The following EBF4 variants were observed in gnomAD, a reference collection of about 807,000 sequenced individuals.
The protein encoded by EBF4 is EBF transcription factor 4, also known as transcription factor COE4.
In EBF4, 34 loss-of-function variants were observed where a neutral mutation model predicts 67.1. That is an observed-to-expected ratio of 0.51 (90% CI 0.39 to 0.67). EBF4 has a LOEUF of 0.67. Ranked by LOEUF, EBF4 falls within the 30% of genes least tolerant of loss-of-function variation. The probability of loss-of-function intolerance (pLI) is 0.00; values close to 1 mark genes in which losing one functional copy is unlikely to be tolerated. For synonymous variants in EBF4, 387 were observed against 377.7 expected, an observed-to-expected ratio of 1.02 and a Z score of -0.29; for missense variants, 837 against 873.3, an observed-to-expected ratio of 0.96 and a Z score of 0.52.
intron 1 of EBF4, among the ~76,000 whole-genome samples, chr20:2,702,649 A>G (rs2087393135): frequency 6.6e-6 from 1 of 152,244 alleles, no homozygotes; most frequent in Non-Finnish European, 1.5e-5. Flanking sequence ...CCCAGGTGTT[A>G]TGGCTTAGCC....
Position 2,739,927 on chromosome 20 carries a change from C to T in EBF4, c.558-8622C>T, listed in dbSNP as rs1272829407. Among the ~76,000 whole-genome samples the T allele has an allele frequency of 6.6e-6, 1 of 152,228 alleles. No homozygotes were observed. The highest frequency in any genetic ancestry group is 1.5e-5 in the Non-Finnish European group (1 of 68,038). ...CACTGTTGTTTGGAACATCCTGCCC[C>T]AGCTCGTATATCCATTCACTGCATA... On this transcript the variant is annotated intron_variant, in intron 6 of 16. Coordinates refer to ENST00000609451, the Ensembl canonical transcript of EBF4. The surrounding 1 kb of genome is among the most constrained non-coding windows in gnomAD (Gnocchi z 4.5).
intron 10 of EBF4, among the ~76,000 whole-genome samples, chr20:2,750,196 T>G (rs894770503): frequency 6.6e-6 from 1 of 152,076 alleles, no homozygotes; most frequent in Non-Finnish European, 1.5e-5. Flanking sequence ...CTCTGGCTCC[T>G]TAGTCCCTTC....
At chr20:2,727,442 T>C (rs2087760373) in intron 6 of EBF4, among the ~76,000 whole-genome samples, 1 of 152,178 alleles carries the variant, frequency 6.6e-6, no homozygotes, top group African/African-American at 2.4e-5. Context: ...CCTGCAGAAA[T>C]GCATATATGA....
chr20:2,710,790 C>CATATCTCAA (rs1248071482), intron 6 of EBF4, among the ~76,000 whole-genome samples: 2 of 152,150 alleles, frequency 1.3e-5, no homozygotes, highest in Non-Finnish European at 2.9e-5. Context: ...ATAGTCTGTG[C>CATATCTCAA]ATATACAACA....
chr20:2,698,734 C>G (rs374208862), intron 1 of EBF4, among the ~76,000 whole-genome samples: 10 of 152,162 alleles, frequency 6.6e-5, no homozygotes, highest in Non-Finnish European at 1.2e-4. Flanking sequence ...AGCCTCCCCC[C>G]ATTACTGATG....
At chr20:2,720,084 T>TCCATGTACA in intron 6 of EBF4, among the ~76,000 whole-genome samples, 1 of 152,256 alleles carries the variant, frequency 6.6e-6, no homozygotes, top group Admixed American at 6.5e-5. Context: ...CATGGATGTC[T>TCCATGTACA]AGAATTATTA....
intron 1 of EBF4, among the ~76,000 whole-genome samples, chr20:2,700,301 C>A (rs1422973795): frequency 6.6e-6 from 1 of 152,104 alleles, no homozygotes; most frequent in Admixed American, 6.5e-5. Flanking sequence ...GTATTTGCAT[C>A]CTTGTCCCCA....
At chr20:2,697,518 C>T (rs1436389848) in intron 1 of EBF4, among the ~76,000 whole-genome samples, 1 of 149,704 alleles carries the variant, frequency 6.7e-6, no homozygotes, top group Non-Finnish European at 1.5e-5. Flanking sequence ...GCACTCCAGC[C>T]TGGGTGACAG....
At chr20:2,732,593 C>T (rs1365826790) in intron 6 of EBF4, among the ~76,000 whole-genome samples, 1 of 152,152 alleles carries the variant, frequency 6.6e-6, no homozygotes, top group Non-Finnish European at 1.5e-5. Flanking sequence ...ATCTCTTTTT[C>T]CATCCCTTTA....
chr20:2,723,343 T>TTTTA (rs1366153386), intron 6 of EBF4, among the ~76,000 whole-genome samples: 75 of 151,046 alleles, frequency 5.0e-4, no homozygotes, highest in African/African-American at 1.7e-3. Flanking sequence ...CTTTTATTTA[T>TTTTA]TTTTATTTTT....
exon 6 of EBF4, chr20:2,709,623 G>T: frequency 6.4e-7 from 1 of 1,555,200 alleles, no homozygotes; most frequent in South Asian, 1.2e-5. Context: ...GACGCCCTCA[G>T]ACCCCGTCAT....
At chr20:2,757,207 G>A (rs964518810) in intron 15 of EBF4, among the ~76,000 whole-genome samples, 4 of 152,186 alleles carry the variant, frequency 2.6e-5, no homozygotes, top group East Asian at 3.9e-4. Flanking sequence ...GTCCGGGGAC[G>A]CTGGAAAGAG....
rs1394276368 is a variant in EBF4 at position 2,755,639 on chromosome 20, G to GC, written c.1559dup (p.Leu521AlafsTer64). 1.5e-5 allele frequency: 18 copies of GC among 1,181,262 alleles called. No individual in the cohort carries two copies. Among genetic ancestry groups the GC allele is most frequent in the East Asian group, 5.0e-5 (1 of 20,052 alleles). 73.2% of individuals were successfully genotyped at this position (1,181,262 alleles called of 1,614,324 possible). On this transcript the variant is annotated frameshift_variant, in exon 15 of 17. Coordinates refer to ENST00000609451, the Ensembl canonical transcript of EBF4. LOFTEE classifies it high-confidence loss of function. The surrounding 1 kb of genome is among the most constrained non-coding windows in gnomAD (Gnocchi z 4.7). ...CCCCGCCCCGGAGTCATGCCCTCTA[G>GC]CCCCCCGCTGGCGGCTGCCTCCTCC...
intron 6 of EBF4, among the ~76,000 whole-genome samples, chr20:2,724,255 C>T (rs1259096187): frequency 6.6e-6 from 1 of 152,190 alleles, no homozygotes; most frequent in Non-Finnish European, 1.5e-5. Context: ...GGTTGTTAAA[C>T]ATTAACCAGT....
chr20:2,743,513 T>G (rs1019074020), intron 6 of EBF4, among the ~76,000 whole-genome samples: 1 of 152,212 alleles, frequency 6.6e-6, no homozygotes, highest in Non-Finnish European at 1.5e-5. Context: ...TTTCTATAAC[T>G]TATTGATGAG....
chr20:2,726,449 G>T (rs143469709), intron 6 of EBF4, among the ~76,000 whole-genome samples: 1 of 152,058 alleles, frequency 6.6e-6, no homozygotes, highest in Non-Finnish European at 1.5e-5. Flanking sequence ...AGGGGTGATG[G>T]TGTACTCCTG....
chr20:2,723,462 C>T lies in EBF4; in HGVS notation c.557+13820C>T, dbSNP rs1051973880. On this transcript the variant is annotated intron_variant, in intron 6 of 16. Coordinates refer to ENST00000609451, the Ensembl canonical transcript of EBF4. ...GCCTCCCGGGTTCACGCCATTCTCC[C>T]GCCTCAGCCTCCCGAGTAGCTGGGA... Among the ~76,000 whole-genome samples, 11 of 151,764 alleles carry T rather than the reference C, an allele frequency of 7.2e-5. No individual in the cohort carries two copies. The South Asian group carries it at 8.3e-4, about 11-fold the overall frequency.
intron 1 of EBF4, among the ~76,000 whole-genome samples, chr20:2,699,495 A>G (rs1387355988): frequency 6.6e-6 from 1 of 152,234 alleles, no homozygotes. Context: ...AAGCGAGCAT[A>G]TTCTCTTCCC....
chr20:2,757,959 A>G (rs2088270981), intron 15 of EBF4, among the ~76,000 whole-genome samples: 1 of 152,240 alleles, frequency 6.6e-6, no homozygotes, highest in South Asian at 2.1e-4. Flanking sequence ...CTGTCTCAGT[A>G]AATAAGTAAA....
Sources: allele counts gnomAD v4.1 joint callset (sites outside exome capture counted in the v4.1 genomes callset), GRCh38; gene constraint gnomAD v4.1.1; non-coding constraint Gnocchi (gnomAD v3.1); transcripts MANE v1.5; gene names NCBI Gene and HGNC (gene_info 2026-07-23, HGNC 2026-07-21).